Variants in COL7A1 observed in about 807,000 individuals in gnomAD.
The protein encoded by COL7A1 is collagen type VII alpha 1 chain.
COL7A1 carries 296 observed loss-of-function variants against 456.2 expected under a neutral mutation model. The observed-to-expected ratio is 0.65, with a 90% CI of 0.59 to 0.71. COL7A1 has a LOEUF of 0.71. COL7A1 is among the 30% of genes least tolerant of loss of function. The pLI, the probability that COL7A1 is intolerant of heterozygous loss-of-function variation, is 0.00. For missense variants in COL7A1, 3,441 were observed against 4,017.2 expected (o/e 0.86, Z 3.88); for synonymous variants, 1,464 against 1,525.9 (o/e 0.96, Z 0.95).
Position 48,592,438 on chromosome 3 carries a change from G to C in COL7A1, c.1006C>G (p.Gln336Glu). 6.2e-7 allele frequency: 1 copy of C among 1,613,782 alleles called. No homozygotes were observed. Among genetic ancestry groups the C allele is most frequent in the East Asian group, 2.2e-5 (1 of 44,888 alleles). Residue 336 changes from glutamine (Q) to glutamate (E), a missense_variant, in exon 9 of 119, where the codon CAG becomes GAG. By Grantham distance (29) the Gln-to-Glu change is conservative. Coordinates refer to ENST00000681320, the MANE Select transcript of COL7A1 (RefSeq NM_000094.4). This position sits in a 1 kb window ranked among gnomAD's most constrained non-coding sequence, Gnocchi z 7.6. The stretch of plus-strand genomic sequence containing the variant: ...AGGAGGCTGTGGGCTGTGGTATTCT[G>C]GATGGTCAGTTCCGGCCCTTCTAGG... ...TALEGPELTI[Q>E]NTTAHSLLVA...
intron 17 of COL7A1, 49 bp downstream of exon 17, chr3:48,589,550 C>T: frequency 6.2e-7 from 1 of 1,612,258 alleles, no homozygotes; most frequent in Non-Finnish European, 8.5e-7. Context: ...AATAAACCCC[C>T]AGCCCCCATT....
intron 65 of COL7A1, 116 bp from the exon 66 acceptor site, chr3:48,577,143 T>C: frequency 1.4e-6 from 2 of 1,406,762 alleles, no homozygotes; most frequent in Admixed American, 3.5e-5. Flanking sequence ...GCTCCATGGT[T>C]GTGTGTGTCT....
rs200882719 is a variant in COL7A1, at chr3:48,592,127, G to C, written c.1215C>G (p.Pro405=). 1.2e-5 allele frequency: 20 copies of C among 1,613,944 alleles called. No homozygotes were observed. The highest frequency in any genetic ancestry group is 1.6e-5 in the Non-Finnish European group (19 of 1,180,014). The change falls in exon 10 of 119, where the codon CCC becomes CCG. Residue 405 remains proline (P), a synonymous_variant. Transcript: ENST00000681320. The surrounding 1 kb of genome is among the most constrained non-coding windows in gnomAD (Gnocchi z 7.6). ...CAGTGCGAGCCATCAGGGAAGTGGC[G>C]GGCCCCACACTGCGGCCAAATAGGG... ...VSTLFGRSVG[P]ATSLMARTDA...
At position 48,591,890 on chromosome 3, in the gene COL7A1, G is replaced by A. The variant is rs368098361; in HGVS notation, c.1357+8C>T. The A allele has an allele frequency of 1.1e-5, 17 of 1,613,978 alleles. No homozygotes were observed. The highest frequency in any genetic ancestry group is 5.3e-5 in the African/African-American group (4 of 74,914). On this transcript the variant is annotated splice_region_variant and intron_variant, in intron 11 of 118. Coordinates refer to ENST00000681320, the MANE Select transcript of COL7A1 (RefSeq NM_000094.4). The surrounding 1 kb of genome is among the most constrained non-coding windows in gnomAD (Gnocchi z 7.0). ...CCCTTGCCTGTCCATCCCTTCCCCC[G>A]CACTGACCAGTCTCACGCCGCCATT... is the stretch of plus-strand genomic sequence containing the variant.
chr3:48,589,867 G>A, intron 16 of COL7A1, 149 bp from the exon 17 acceptor site: 2 of 1,165,094 alleles, frequency 1.7e-6, no homozygotes, highest in Non-Finnish European at 2.5e-6. Flanking sequence ...GGGAGGTGGA[G>A]GTTTTAGGAA....
intron 65 of COL7A1, 116 bp from the exon 66 acceptor site, chr3:48,577,143 T>TC: frequency 7.1e-7 from 1 of 1,406,762 alleles, no homozygotes; most frequent in Non-Finnish European, 1.0e-6. Context: ...GCTCCATGGT[T>TC]GTGTGTGTCT....
Position 48,579,492 on chromosome 3 carries a change from G to C in COL7A1, c.5259C>G (p.Pro1753=). 1 of 1,614,076 alleles carries C rather than the reference G, an allele frequency of 6.2e-7. No homozygotes were observed. The highest frequency in any genetic ancestry group is 8.5e-7 in the Non-Finnish European group (1 of 1,180,016). ...GTGCATCACTCACCTGTGGGCCTGG[G>C]GGTCCCCGAAACCCTTCAATGCCCT... The part of the protein sequence containing the change: ...GERGIEGFRG[P]PGPQGDPGVR... The change falls in exon 60 of 119, where the codon CCC becomes CCG. Residue 1753 remains proline (P), a synonymous_variant. Transcript: ENST00000681320. This position sits in a 1 kb window ranked among gnomAD's most constrained non-coding sequence, Gnocchi z 4.4.
rs369682702 is a variant in COL7A1 at position 48,589,711 on chromosome 3, C to T, written c.2058G>A (p.Leu686=). The change falls in exon 17 of 119, where the codon CTG becomes CTA. Residue 686 remains leucine (L), a synonymous_variant. Transcript: ENST00000681320. ...AAVIVARTDP[L]GPVRTVHVTQ... is the part of the protein sequence containing the mutation. ...TCACATGGACCGTCCTCACTGGGCC[C>T]AGTGGGTCTAGTGGGGAGAGGCAAT... The T allele has an allele frequency of 1.2e-6, 2 of 1,614,026 alleles. No homozygotes were observed. Among genetic ancestry groups the T allele is most frequent in the Non-Finnish European group, 8.5e-7 (1 of 1,180,008 alleles).
rs1387185765 is a variant in COL7A1, at chr3:48,579,685, C to A, written c.5155-17G>T. ...AGGCTCTCCCTGTGGCAGAGATAAG[C>A]TTGCTGAGGAACAGCCTTGAAGCCA... is the stretch of plus-strand genomic sequence containing the variant. On this transcript the variant is annotated splice_polypyrimidine_tract_variant and intron_variant, in intron 58 of 118. Transcript: ENST00000681320. The surrounding 1 kb of genome is among the most constrained non-coding windows in gnomAD (Gnocchi z 4.4). The A allele has an allele frequency of 1.2e-6, 2 of 1,613,778 alleles. No homozygotes were observed. Among genetic ancestry groups the A allele is most frequent in the South Asian group, 2.2e-5 (2 of 91,078 alleles).
At position 48,568,358 on chromosome 3, in the gene COL7A1, G is replaced by T; in HGVS notation, c.7794+141C>A. Reference sequence around the variant, plus strand: ...ACCATCATAGGCGGCTACTGTGGAGGTGGGGGACCCTGGGTGACATGAGGA... The same window carrying T: ...ACCATCATAGGCGGCTACTGTGGAGTTGGGGGACCCTGGGTGACATGAGGA... On this transcript the variant is annotated intron_variant, in intron 105 of 118. Transcript: ENST00000681320. This position sits in a 1 kb window ranked among gnomAD's most constrained non-coding sequence, Gnocchi z 5.2. 2 of 1,064,504 alleles carry T rather than the reference G, an allele frequency of 1.9e-6. No individual in the cohort carries two copies. The highest frequency in any genetic ancestry group is 2.8e-6 in the Non-Finnish European group (2 of 709,584). The allele number at this position is 1,064,504 out of a possible 1,614,324, so 65.9% of individuals were successfully genotyped here.
chr3:48,569,701 T>C lies in COL7A1; in HGVS notation c.7557+24A>G. ...GTCGGGAGCACCCTGGCCCCTGCCC[T>C]GCCCTCCCCATGCCCACACTCACCT... On this transcript the variant is annotated intron_variant, in intron 101 of 118. Transcript: ENST00000681320. The surrounding 1 kb of genome is among the most constrained non-coding windows in gnomAD (Gnocchi z 4.9). The C allele has an allele frequency of 6.2e-7, 1 of 1,614,094 alleles. No homozygotes were observed. The highest frequency in any genetic ancestry group is 8.5e-7 in the Non-Finnish European group (1 of 1,179,980).
At chr3:48,589,780 T>G (rs1479886928) in intron 16 of COL7A1, 62 bp from the exon 17 acceptor site, 1 of 1,610,400 alleles carries the variant, frequency 6.2e-7, no homozygotes, top group Non-Finnish European at 8.5e-7. Flanking sequence ...GGCTATCTGA[T>G]AGGGGAAGAT....
In COL7A1 at chr3:48,566,143, CCTT is replaced by C; in HGVS notation, c.8407+121_8407+123del. On this transcript the variant is annotated intron_variant, in intron 114 of 118. Transcript: ENST00000681320. This position sits in a 1 kb window ranked among gnomAD's most constrained non-coding sequence, Gnocchi z 5.9. ...TGTGTCAGTCCTGCAGCACATGTGT[CCTT>C]CTGTGTATCCATCCATCCCCCCATC... The C allele has an allele frequency of 3.9e-6, 4 of 1,018,798 alleles. No individual in the cohort carries two copies. The highest frequency in any genetic ancestry group is 1.5e-6 in the Non-Finnish European group (1 of 667,258). 63.1% of individuals were successfully genotyped at this position (1,018,798 alleles called of 1,614,324 possible).
chr3:48,584,584 AT>A lies in COL7A1; in HGVS notation c.4048-29del, dbSNP rs779759714. 3.7e-6 allele frequency: 6 copies of A among 1,613,776 alleles called. No individual in the cohort carries two copies. The East Asian group carries it at 1.3e-4, about 36-fold the overall frequency. ...GTAAGGACAGAGAGCAGTGGGCAGGATTCAGGCTATGGGGGCCTTGAGCTGG... is the reference window on the plus strand; with the variant it reads ...GTAAGGACAGAGAGCAGTGGGCAGGATCAGGCTATGGGGGCCTTGAGCTGG... On this transcript the variant is annotated intron_variant, in intron 35 of 118. Coordinates refer to ENST00000681320, the MANE Select transcript of COL7A1 (RefSeq NM_000094.4).
chr3:48,566,443 G>A lies in COL7A1; in HGVS notation c.8358+67C>T. 5 of 1,607,942 alleles carry A rather than the reference G, an allele frequency of 3.1e-6. No homozygotes were observed. The highest frequency in any genetic ancestry group is 4.3e-6 in the Non-Finnish European group (5 of 1,175,080). Reference sequence around the variant, plus strand: ...CCCAGGGGTCAGGGTGCTGGGTGAGGGAGGTAGGGCCCCAGCCCACCCAGG... The same window carrying A: ...CCCAGGGGTCAGGGTGCTGGGTGAGAGAGGTAGGGCCCCAGCCCACCCAGG... On this transcript the variant is annotated intron_variant, in intron 113 of 118. Transcript: ENST00000681320. This position sits in a 1 kb window ranked among gnomAD's most constrained non-coding sequence, Gnocchi z 5.9.
rs769394794 is a variant in COL7A1, at chr3:48,592,783, G to T, written c.838C>A (p.Arg280=). 6.2e-7 allele frequency: 1 copy of T among 1,613,642 alleles called. No homozygotes were observed. Among genetic ancestry groups the T allele is most frequent in the South Asian group, 1.1e-5 (1 of 91,090 alleles). The change falls in exon 7 of 119, where the codon CGG becomes AGG. Residue 280 remains arginine, a synonymous_variant. Transcript: ENST00000681320. The surrounding 1 kb of genome is among the most constrained non-coding windows in gnomAD (Gnocchi z 7.6). The part of the protein sequence containing the change: ...TGLGQPLPSE[R]QEVNVPAGET... Reference sequence around the variant, plus strand: ...CACTCCTGACATCCTACCTCCTGCCGCTCACTCGGCAGTGGCTGTCCCAGC... The same window carrying T: ...CACTCCTGACATCCTACCTCCTGCCTCTCACTCGGCAGTGGCTGTCCCAGC...
At chr3:48,595,208 T>A (rs779183856) in intron 1 of COL7A1, 48 bp from the exon 2 acceptor site, 414 of 1,496,862 alleles carry the variant, frequency 2.8e-4, no homozygotes, top group Non-Finnish European at 3.6e-4. Flanking sequence ...TGTCCCTTGC[T>A]CCCCCGTGGC....
intron 18 of COL7A1, 53 bp downstream of exon 18, chr3:48,589,274 C>A: frequency 6.8e-6 from 11 of 1,610,332 alleles, no homozygotes; most frequent in South Asian, 2.2e-5. Flanking sequence ...GAACACACAG[C>A]AGGGCAGGGT....
chr3:48,580,711 A>G lies in COL7A1; in HGVS notation c.4981-59T>C. The stretch of plus-strand genomic sequence containing the variant: ...CCAATATTTTGCAGGTGCCCCTATG[A>G]CCCGCTACACTGCCCCAGGTTCCCC... On this transcript the variant is annotated intron_variant, in intron 54 of 118. Transcript: ENST00000681320. The surrounding 1 kb of genome is among the most constrained non-coding windows in gnomAD (Gnocchi z 4.5). The G allele has an allele frequency of 6.3e-7, 1 of 1,589,466 alleles. No individual in the cohort carries two copies. Among genetic ancestry groups the G allele is most frequent in the Non-Finnish European group, 8.6e-7 (1 of 1,159,304 alleles).
Sources: allele counts gnomAD v4.1 joint callset, GRCh38; gene constraint gnomAD v4.1.1; non-coding constraint Gnocchi (gnomAD v3.1); transcripts MANE v1.5; gene names NCBI Gene and HGNC (gene_info 2026-07-23, HGNC 2026-07-21).